Variants in ROBO2 observed in about 807,000 individuals in gnomAD.
The protein encoded by ROBO2 is roundabout guidance receptor 2.
Under a neutral mutation model 160.8 loss-of-function variants are expected in ROBO2, and 53 were observed. That is an observed-to-expected ratio of 0.33 (90% CI 0.26 to 0.41). The LOEUF is 0.41. ROBO2 is among the 10% of genes least tolerant of loss of function. The pLI is 1.00. For missense variants in ROBO2, 1,577 were observed against 1,722.4 expected (o/e 0.92, Z 1.49); for synonymous variants, 664 against 611.7 (o/e 1.09, Z -1.26).
intron 2 of ROBO2, among the ~76,000 whole-genome samples, chr3:76,988,682 G>A (rs550955471): frequency 3.3e-5 from 5 of 151,982 alleles, no homozygotes; most frequent in Admixed American, 6.6e-5. Flanking sequence ...GTTATTCCCA[G>A]TAGATTAATT....
intron 2 of ROBO2, among the ~76,000 whole-genome samples, chr3:77,030,185 C>G (rs934847914): frequency 2.1e-5 from 3 of 139,698 alleles, no homozygotes; most frequent in African/African-American, 3.2e-5. Flanking sequence ...ACCTCGTGAT[C>G]CGCCTGCCTC....
At chr3:76,340,280 C>G (rs2074145286) in intron 2 of ROBO2, among the ~76,000 whole-genome samples, 1 of 152,066 alleles carries the variant, frequency 6.6e-6, no homozygotes, top group African/African-American at 2.4e-5. Context: ...CTTTTGGTCT[C>G]CCTCAGCCTT....
chr3:76,509,773 A>G (rs1256590021), intron 2 of ROBO2, among the ~76,000 whole-genome samples: 1 of 152,216 alleles, frequency 6.6e-6, no homozygotes, highest in Non-Finnish European at 1.5e-5. Context: ...TGTTTAGGCA[A>G]GTATTTAATT....
rs767257307 is a variant in ROBO2 at position 77,558,174 on chromosome 3, G to A, written c.1437+25G>A. 4.4e-6 allele frequency: 7 copies of A among 1,584,732 alleles called. No individual in the cohort carries two copies. In the South Asian group the frequency reaches 4.4e-5, roughly 10 times the overall value. ...GGTAAGTAATATTGGACTTGTACAT[G>A]AATTATCATCTACACATAAGTACTG... On this transcript the variant is annotated intron_variant, in intron 9 of 25. Coordinates refer to ENST00000461745, the Ensembl canonical transcript of ROBO2.
At chr3:76,411,452 A>C (rs2075480332) in intron 2 of ROBO2, among the ~76,000 whole-genome samples, 1 of 152,200 alleles carries the variant, frequency 6.6e-6, no homozygotes, top group Non-Finnish European at 1.5e-5. Flanking sequence ...GGTTTAGAGC[A>C]AAGGAGATCT....
intron 2 of ROBO2, among the ~76,000 whole-genome samples, chr3:76,304,733 T>C (rs2071236606): frequency 3.2e-5 from 1 of 31,246 alleles, no homozygotes; most frequent in Admixed American, 2.3e-4. Context: ...TCTTTCTTTC[T>C]TTTCTTTTCT....
intron 1 of ROBO2, among the ~76,000 whole-genome samples, chr3:77,090,068 T>A (rs2069921678): frequency 6.6e-6 from 1 of 152,138 alleles, no homozygotes; most frequent in South Asian, 2.1e-4. Context: ...GGAAATCTAG[T>A]GTAAAGCTAT....
chr3:76,722,295 T>C (rs2093478102), intron 2 of ROBO2, among the ~76,000 whole-genome samples: 1 of 152,150 alleles, frequency 6.6e-6, no homozygotes, highest in South Asian at 2.1e-4. Flanking sequence ...CTAATTTTTG[T>C]ATTTTTAGTA....
chr3:76,327,228 C>A (rs1445873624), intron 2 of ROBO2, among the ~76,000 whole-genome samples: 2 of 151,954 alleles, frequency 1.3e-5, no homozygotes, highest in Non-Finnish European at 2.9e-5. Flanking sequence ...TATCTATTTT[C>A]TCAATTTGAT....
chr3:76,258,567 A>G (rs1576137904), intron 2 of ROBO2, among the ~76,000 whole-genome samples: 1 of 152,136 alleles, frequency 6.6e-6, no homozygotes, highest in African/African-American at 2.4e-5. Context: ...GTGGTTATTC[A>G]TAATGTTATT....
Position 77,428,337 on chromosome 3 carries a change from A to ATTT in ROBO2, c.389-49076_389-49075insTTT, listed in dbSNP as rs1491236295. 1.0e-3 allele frequency among the ~76,000 whole-genome samples: 128 copies of ATTT among 128,292 alleles called. 3 individuals carry two copies. The highest frequency in any genetic ancestry group is 1.5e-3 in the South Asian group (6 of 3,880). The allele number at this position is 128,292 out of a possible 152,430, so 84.2% of individuals were successfully genotyped here. Reference sequence around the variant, plus strand: ...AGGCATTCACAGCAAAACTTAGGTAATATTTTTTTTTTTTTTTTTTTTTTT... The same window carrying ATTT: ...AGGCATTCACAGCAAAACTTAGGTAATTTTATTTTTTTTTTTTTTTTTTTTTTT... On this transcript the variant is annotated intron_variant, in intron 2 of 25. Transcript: ENST00000461745.
At chr3:76,262,038 A>G (rs1249142334) in intron 2 of ROBO2, among the ~76,000 whole-genome samples, 1 of 152,094 alleles carries the variant, frequency 6.6e-6, no homozygotes, top group Non-Finnish European at 1.5e-5. Context: ...TGTCACATTT[A>G]GAAGCCTGTC....
At chr3:76,913,540 CATCTAA>C (rs1410882019) in intron 2 of ROBO2, among the ~76,000 whole-genome samples, 2 of 152,196 alleles carry the variant, frequency 1.3e-5, no homozygotes, top group Non-Finnish European at 2.9e-5. Context: ...TGTGATTCTA[CATCTAA>C]GAGTATTTTT....
rs2060683326 is a variant in ROBO2 at position 76,991,879 on chromosome 3, G to A, written c.110-106135G>A. ...CAGTAAGGCTATTGACCCCAGCTTGGAGGACATATATCCTCAAATGCAGGG... is the reference window on the plus strand; with the variant it reads ...CAGTAAGGCTATTGACCCCAGCTTGAAGGACATATATCCTCAAATGCAGGG... On this transcript the variant is annotated intron_variant, in intron 2 of 26. Transcript: ENST00000487694. 2.6e-5 allele frequency among the ~76,000 whole-genome samples: 4 copies of A among 152,072 alleles called. No homozygotes were observed. The South Asian group carries it at 8.3e-4, about 31-fold the overall frequency.
chr3:76,955,365 G>T (rs199745643), intron 2 of ROBO2, among the ~76,000 whole-genome samples: 161 of 152,042 alleles, frequency 1.1e-3, no homozygotes, highest in African/African-American at 3.5e-3. Flanking sequence ...AGTTCTTTTG[G>T]GTATATATCT....
At chr3:76,194,172 GTTTC>G (rs888937195) in intron 2 of ROBO2, among the ~76,000 whole-genome samples, 1 of 151,364 alleles carries the variant, frequency 6.6e-6, no homozygotes, top group South Asian at 2.1e-4. Flanking sequence ...TTATGGGGGT[GTTTC>G]TTCTTCTTCT....
chr3:76,707,641 T>C (rs2093194973), intron 2 of ROBO2, among the ~76,000 whole-genome samples: 1 of 151,322 alleles, frequency 6.6e-6, no homozygotes, highest in Non-Finnish European at 1.5e-5. Context: ...CTAAGACCCA[T>C]GGGATTTTCA....
In ROBO2 at chr3:76,808,705, C is replaced by T. The variant is rs147755046; in HGVS notation, c.110-289309C>T. Among the ~76,000 whole-genome samples, 325 of 152,186 alleles carry T rather than the reference C, an allele frequency of 2.1e-3. 1 individual carries two copies. The highest frequency in any genetic ancestry group is 7.4e-3 in the African/African-American group (308 of 41,544). ...GTGGCTCAAATGTGGGTGTTAGAAT[C>T]AGACCTGCAGAGAGCAGTAAATCAA... On this transcript the variant is annotated intron_variant, in intron 2 of 26. Coordinates refer to the ROBO2 transcript ENST00000487694.
chr3:77,335,375 C>A (rs560622466), intron 2 of ROBO2, among the ~76,000 whole-genome samples: 43 of 152,254 alleles, frequency 2.8e-4, no homozygotes, highest in African/African-American at 1.0e-3. Flanking sequence ...TCACCGCACT[C>A]CAGCCTGGGT....
Sources: allele counts gnomAD v4.1 joint callset (sites outside exome capture counted in the v4.1 genomes callset), GRCh38; gene constraint gnomAD v4.1.1; transcripts MANE v1.5; gene names NCBI Gene and HGNC (gene_info 2026-07-23, HGNC 2026-07-21).